COL6A6: variants seen among roughly 807,000 people sequenced by gnomAD.
COL6A6 encodes collagen type VI alpha 6 chain.
In COL6A6, 183 loss-of-function variants were observed where a neutral mutation model predicts 208.6. The ratio of observed to expected loss-of-function variants is 0.88; its 90% confidence interval spans 0.78 to 0.99. The LOEUF (loss-of-function observed/expected upper bound fraction) is 0.99. Ranked by LOEUF, COL6A6 falls within the 50% of genes least tolerant of loss-of-function variation. The pLI is 0.00. For missense variants in COL6A6, 2,816 were observed against 2,815.2 expected, an observed-to-expected ratio of 1.00 and a Z score of -0.01; for synonymous variants, 973 against 1,011.8, an observed-to-expected ratio of 0.96 and a Z score of 0.73.
In COL6A6 at chr3:130,581,742, G is replaced by T; in HGVS notation, c.3729G>T (p.Val1243=). ...TETQVSVAFQ[V]TNAMEKYSPK... ...CTCAGGTCAGTGTGGCTTTTCAAGT[G>T]ACCAATGCCATGGAAAAATATTCTC... The change falls in exon 9 of 37, where the codon GTG becomes GTT. Residue 1243 remains valine, a synonymous_variant. Transcript: ENST00000358511. 1 of 1,613,912 alleles carries T rather than the reference G, an allele frequency of 6.2e-7. No individual in the cohort carries two copies. Among genetic ancestry groups the T allele is most frequent in the South Asian group, 1.1e-5 (1 of 91,062 alleles).
chr3:130,557,695 CT>C (rs2062797498), intron 1 of COL6A6, among the ~76,000 whole-genome samples: 2 of 152,110 alleles, frequency 1.3e-5, no homozygotes, highest in Admixed American at 1.3e-4. Flanking sequence ...TTTTGTTTCC[CT>C]TATGGGCTCT....
Position 130,571,257 on chromosome 3 carries a change from GA to G in COL6A6, c.2842del (p.Ile948LeufsTer10), listed in dbSNP as rs1449254868. ...AAGGCATTCTTGTCCTGGCTGTGGG[GA>G]TTGATGGTGCCAATCCCGTGGAGCT... is the stretch of plus-strand genomic sequence containing the variant. ...DKGILVLAVG[I>X]DGANPVELLA... On this transcript the variant is annotated frameshift_variant, in exon 7 of 37. Coordinates refer to ENST00000358511, the MANE Select transcript of COL6A6 (RefSeq NM_001102608.3). LOFTEE classifies it high-confidence loss of function. The G allele has an allele frequency of 6.2e-7, 1 of 1,614,070 alleles. No homozygotes were observed.
intron 1 of COL6A6, among the ~76,000 whole-genome samples, chr3:130,540,605 A>G (rs901616213): frequency 6.6e-6 from 1 of 152,132 alleles, no homozygotes; most frequent in Non-Finnish European, 1.5e-5. Flanking sequence ...CCCATCACCT[A>G]GGTATTAAGC....
chr3:130,570,604 C>G (rs1009486293), intron 6 of COL6A6, among the ~76,000 whole-genome samples: 1 of 152,132 alleles, frequency 6.6e-6, no homozygotes, highest in African/African-American at 2.4e-5. Flanking sequence ...CCACTGACTC[C>G]CGCCTTATCT....
At chr3:130,642,223 C>T (rs1263026550) in intron 29 of COL6A6, among the ~76,000 whole-genome samples, 1 of 150,292 alleles carries the variant, frequency 6.7e-6, no homozygotes, top group Non-Finnish European at 1.5e-5. Context: ...GTTCTTCTAT[C>T]CCAAACTCTG....
intron 23 of COL6A6, among the ~76,000 whole-genome samples, chr3:130,611,356 A>C (rs1482618460): frequency 6.6e-6 from 1 of 152,222 alleles, no homozygotes; most frequent in Non-Finnish European, 1.5e-5. Context: ...TTCCCAGATG[A>C]TGCTGATGCT....
intron 23 of COL6A6, among the ~76,000 whole-genome samples, chr3:130,616,387 T>C (rs1248432611): frequency 6.6e-6 from 1 of 152,098 alleles, no homozygotes; most frequent in Non-Finnish European, 1.5e-5. Context: ...ATAAATCAAA[T>C]GTGTGCTAAT....
chr3:130,546,869 A>G (rs1295934091), intron 1 of COL6A6, among the ~76,000 whole-genome samples: 1 of 151,766 alleles, frequency 6.6e-6, no homozygotes, highest in Non-Finnish European at 1.5e-5. Flanking sequence ...TAGATTAGCT[A>G]GACACAGAGC....
chr3:130,535,973 A>G (rs1221472005), intron 1 of COL6A6, among the ~76,000 whole-genome samples: 2 of 152,196 alleles, frequency 1.3e-5, no homozygotes, highest in African/African-American at 4.8e-5. Flanking sequence ...AAAATAATAG[A>G]ATTTCAAAGA....
At chr3:130,519,483 G>A (rs191952471) in intron 1 of COL6A6, among the ~76,000 whole-genome samples, 29 of 152,282 alleles carry the variant, frequency 1.9e-4, no homozygotes, top group African/African-American at 6.7e-4. Context: ...TTCTTCTTAT[G>A]CTTCTAAAAG....
rs114563995 is a variant in COL6A6 at position 130,526,356 on chromosome 3, G to A, written c.-32+8959G>A. The stretch of plus-strand genomic sequence containing the variant: ...GGAGGCCATAGTGGCTGGAGTGGAG[G>A]GAATGAGGAGAGTAAAGATGAGATC... On this transcript the variant is annotated intron_variant, in intron 1 of 36. Transcript: ENST00000358511. Among the ~76,000 whole-genome samples, 426 of 152,176 alleles carry A rather than the reference G, an allele frequency of 2.8e-3. 6 individuals are homozygous for A. The highest frequency in any genetic ancestry group is 9.7e-3 in the African/African-American group (402 of 41,516).
At chr3:130,614,185 C>A (rs1014290948) in intron 23 of COL6A6, among the ~76,000 whole-genome samples, 2 of 152,184 alleles carry the variant, frequency 1.3e-5, no homozygotes, top group African/African-American at 2.4e-5. Context: ...TACATTCCCT[C>A]AATCCCTGGT....
At position 130,568,519 on chromosome 3, in the gene COL6A6, C is replaced by A; in HGVS notation, c.2316C>A (p.Pro772=). The A allele has an allele frequency of 6.2e-7, 1 of 1,612,900 alleles. No homozygotes were observed. The stretch of plus-strand genomic sequence containing the variant: ...AGCTTGAGGAGATCAGTGGGAGGCC[C>A]GAGATGGTTTTTTATGTTGAGAATT... The part of the protein sequence containing the change: ...VTQLEEISGR[P]EMVFYVENFD... The change falls in exon 6 of 37, where the codon CCC becomes CCA. Residue 772 remains proline (P), a synonymous_variant. Coordinates refer to ENST00000358511, the MANE Select transcript of COL6A6 (RefSeq NM_001102608.3).
intron 33 of COL6A6, among the ~76,000 whole-genome samples, chr3:130,654,366 G>C (rs556543425): frequency 6.6e-6 from 1 of 152,136 alleles, no homozygotes; most frequent in Non-Finnish European, 1.5e-5. Context: ...GGTAGTCTGA[G>C]CTATGCTGTC....
At position 130,548,662 on chromosome 3, in the gene COL6A6, T is replaced by C. The variant is rs1011452167; in HGVS notation, c.-31-11672T>C. Among the ~76,000 whole-genome samples the C allele has an allele frequency of 4.3e-4, 66 of 152,338 alleles. 1 individual carries two copies. The highest frequency in any genetic ancestry group is 1.5e-3 in the South Asian group (7 of 4,822). On this transcript the variant is annotated intron_variant, in intron 1 of 36. Coordinates refer to ENST00000358511, the MANE Select transcript of COL6A6 (RefSeq NM_001102608.3). Reference sequence around the variant, plus strand: ...GGGTTTTTCTCTCCAGTATTCACTGTGAGTTCCCAGTAGAGCACCAGGAGG... The same window carrying C: ...GGGTTTTTCTCTCCAGTATTCACTGCGAGTTCCCAGTAGAGCACCAGGAGG...
chr3:130,577,905 A>G (rs2063333452), intron 8 of COL6A6, among the ~76,000 whole-genome samples: 4 of 152,202 alleles, frequency 2.6e-5, no homozygotes, highest in African/African-American at 7.2e-5. Flanking sequence ...AATTCACAGG[A>G]GGACAATTTA....
Position 130,611,109 on chromosome 3 carries a change from A to G in COL6A6, c.4815+398A>G, listed in dbSNP as rs931752410. On this transcript the variant is annotated intron_variant, in intron 23 of 36. Transcript: ENST00000358511. ...CATTCCACCACCTAGAACCTTCCCCAGGACACTTAAATCAGAATCTCTGGC... is the reference window on the plus strand; with the variant it reads ...CATTCCACCACCTAGAACCTTCCCCGGGACACTTAAATCAGAATCTCTGGC... Among the ~76,000 whole-genome samples the G allele has an allele frequency of 3.9e-5, 6 of 152,176 alleles. No homozygotes were observed. In the East Asian group the frequency reaches 1.2e-3, roughly 29 times the overall value.
At chr3:130,639,295 A>G (rs1222174755) in intron 28 of COL6A6, among the ~76,000 whole-genome samples, 2 of 152,122 alleles carry the variant, frequency 1.3e-5, no homozygotes, top group East Asian at 1.9e-4. Flanking sequence ...TTTTTGCCCA[A>G]CATAGTCTGT....
intron 26 of COL6A6, among the ~76,000 whole-genome samples, chr3:130,633,858 C>T (rs1394814370): frequency 9.3e-5 from 3 of 32,146 alleles, no homozygotes; most frequent in Non-Finnish European, 1.3e-4. Flanking sequence ...ACAATGAGAT[C>T]ACATGGACAC....
Sources: allele counts gnomAD v4.1 joint callset (sites outside exome capture counted in the v4.1 genomes callset), GRCh38; gene constraint gnomAD v4.1.1; transcripts MANE v1.5; gene names NCBI Gene and HGNC (gene_info 2026-07-23, HGNC 2026-07-21).